The following EIF3J variants were observed in gnomAD, a reference collection of about 807,000 sequenced individuals.
The protein encoded by EIF3J is eukaryotic translation initiation factor 3 subunit J, also known as eukaryotic translation initiation factor 3, subunit 1 (alpha, 35kD).
EIF3J carries 15 observed loss-of-function variants against 39.0 expected under a neutral mutation model. That is an observed-to-expected ratio of 0.38 (90% CI 0.26 to 0.59). The LOEUF is 0.59. EIF3J is among the 20% of genes least tolerant of loss of function. The probability of loss-of-function intolerance (pLI) is 0.60; values close to 1 mark genes in which losing one functional copy is unlikely to be tolerated. For synonymous variants in EIF3J, 98 were observed against 112.9 expected (o/e 0.87, Z 0.84); for missense variants, 226 against 308.6 (o/e 0.73, Z 2.00).
At chr15:44,540,221 G>A (rs1288015822) in intron 2 of EIF3J, among the ~76,000 whole-genome samples, 3 of 142,468 alleles carry the variant, frequency 2.1e-5, no homozygotes, top group Non-Finnish European at 4.5e-5. Context: ...ACAGACGTGA[G>A]CCACCGCGCC....
chr15:44,559,815 TAGACTG>T (rs1211470317), intron 6 of EIF3J, among the ~76,000 whole-genome samples: 2 of 151,820 alleles, frequency 1.3e-5, no homozygotes, highest in Admixed American at 1.3e-4. Context: ...CCCATTTGTT[TAGACTG>T]AGGAAGGATA....
At chr15:44,553,181 G>T (rs1008901416) in intron 4 of EIF3J, among the ~76,000 whole-genome samples, 2 of 150,052 alleles carry the variant, frequency 1.3e-5, no homozygotes, top group Non-Finnish European at 3.0e-5. Context: ...GCAAGATCCT[G>T]CCTCAAAACA....
chr15:44,547,506 G>A (rs930805559), intron 2 of EIF3J, among the ~76,000 whole-genome samples: 3 of 144,910 alleles, frequency 2.1e-5, no homozygotes, highest in Non-Finnish European at 4.5e-5. Context: ...CTGGAGTGCA[G>A]TGGCACAATC....
At chr15:44,549,315 C>T (rs986081977) in intron 2 of EIF3J, among the ~76,000 whole-genome samples, 6 of 151,154 alleles carry the variant, frequency 4.0e-5, no homozygotes, top group African/African-American at 1.2e-4. Flanking sequence ...TGCTTGAACC[C>T]GGGAGGTGGA....
Position 44,537,217 on chromosome 15 carries a change from C to A in EIF3J, c.23C>A (p.Ala8Glu), listed in dbSNP as rs1567113968. Residue 8 changes from alanine to glutamate, a missense_variant, in exon 1 of 8, where the codon GCG becomes GAG. Ala to Glu is a moderately radical substitution (Grantham distance 107). Coordinates refer to ENST00000261868, the MANE Select transcript of EIF3J (RefSeq NM_003758.4). The part of the protein sequence containing the change: MAAAAAA[A>E]GDSDSWDADA... ...GAGATGGCGGCGGCGGCGGCGGCGG[C>A]GGGGGACTCGGACTCCTGGGGTGAG... 5.6e-6 allele frequency: 9 copies of A among 1,598,192 alleles called. No homozygotes were observed. Among genetic ancestry groups the A allele is most frequent in the Non-Finnish European group, 7.7e-6 (9 of 1,173,192 alleles).
Position 44,561,212 on chromosome 15 carries a change from C to T in EIF3J, c.*63C>T. 4.5e-6 allele frequency: 7 copies of T among 1,538,522 alleles called. No homozygotes were observed. The highest frequency in any genetic ancestry group is 1.8e-5 in the Admixed American group (1 of 54,118). ...ACAATCCCTTGAACATGTAGCACAA[C>T]TTCCTTTCCTTTCAGTTCTGCCAAA... On this transcript the variant is annotated 3_prime_UTR_variant, in exon 8 of 8. Coordinates refer to ENST00000261868, the MANE Select transcript of EIF3J (RefSeq NM_003758.4).
At chr15:44,548,410 C>T (rs1284196738) in intron 2 of EIF3J, among the ~76,000 whole-genome samples, 3 of 151,944 alleles carry the variant, frequency 2.0e-5, no homozygotes, top group Non-Finnish European at 4.4e-5. Context: ...AGTGAAACTC[C>T]GTCTCAAAAA....
At chr15:44,555,414 CT>C (rs1320727214) in intron 5 of EIF3J, among the ~76,000 whole-genome samples, 23 of 152,202 alleles carry the variant, frequency 1.5e-4, no homozygotes, top group African/African-American at 5.1e-4. Context: ...CACTTTCATA[CT>C]TTCTCTACTC....
chr15:44,540,783 T>C (rs1418564718), intron 2 of EIF3J, among the ~76,000 whole-genome samples: 1 of 152,224 alleles, frequency 6.6e-6, no homozygotes, highest in African/African-American at 2.4e-5. Context: ...GTACTTTTTA[T>C]GAGGAGTTGC....
chr15:44,546,196 C>T (rs1257965492), intron 2 of EIF3J, among the ~76,000 whole-genome samples: 4 of 152,160 alleles, frequency 2.6e-5, no homozygotes, highest in Middle Eastern at 3.2e-3. Flanking sequence ...GAAATACAAA[C>T]GTTTGATCTC....
intron 2 of EIF3J, among the ~76,000 whole-genome samples, chr15:44,539,642 T>C (rs868532401): frequency 1.2e-4 from 18 of 151,056 alleles, no homozygotes; most frequent in South Asian, 2.1e-4. Flanking sequence ...CCTTGTGATC[T>C]GCCCGCCTTG....
At chr15:44,553,713 T>C (rs894612386) in intron 4 of EIF3J, among the ~76,000 whole-genome samples, 1 of 152,058 alleles carries the variant, frequency 6.6e-6, no homozygotes, top group Non-Finnish European at 1.5e-5. Flanking sequence ...TCTGTAAATT[T>C]ATTTGAAATT....
chr15:44,552,595 A>C, intron 4 of EIF3J, among the ~76,000 whole-genome samples: 1 of 143,478 alleles, frequency 7.0e-6, no homozygotes, highest in Admixed American at 7.0e-5. Flanking sequence ...ATGGAGTTTC[A>C]CTCTAGTCGC....
intron 2 of EIF3J, among the ~76,000 whole-genome samples, chr15:44,540,191 C>T (rs2081999613): frequency 6.8e-6 from 1 of 146,646 alleles, no homozygotes; most frequent in Admixed American, 6.8e-5. Flanking sequence ...CCCGCCTCGG[C>T]CTCCCAAAGT....
intron 2 of EIF3J, among the ~76,000 whole-genome samples, chr15:44,548,678 C>T (rs1328642446): frequency 6.6e-6 from 1 of 152,152 alleles, no homozygotes; most frequent in Non-Finnish European, 1.5e-5. Context: ...GGCCTTCTTG[C>T]TCTATTATCC....
intron 7 of EIF3J, among the ~76,000 whole-genome samples, chr15:44,560,739 T>A (rs2082185498): frequency 6.6e-6 from 1 of 152,194 alleles, no homozygotes; most frequent in Admixed American, 6.5e-5. Context: ...CACACTTTTC[T>A]AAATTTGCTT....
chr15:44,560,520 T>C (rs2082182903), intron 7 of EIF3J, 198 bp downstream of exon 7: 4 of 529,282 alleles, frequency 7.6e-6, no homozygotes, highest in South Asian at 3.1e-5. Flanking sequence ...TCTGAGTTAA[T>C]AGAAATTGCT....
chr15:44,538,351 A>T (rs2081978725), intron 2 of EIF3J, among the ~76,000 whole-genome samples: 1 of 151,744 alleles, frequency 6.6e-6, no homozygotes, highest in African/African-American at 2.4e-5. Context: ...GACTCTTATT[A>T]ACAAAGTTCT....
At chr15:44,550,770 C>CA in intron 2 of EIF3J, 106 bp from the exon 3 acceptor site, 1 of 813,418 alleles carries the variant, frequency 1.2e-6, no homozygotes, top group Non-Finnish European at 2.0e-6. Context: ...TAATGCAGTA[C>CA]AAAAAAATAC....
Sources: allele counts gnomAD v4.1 joint callset (sites outside exome capture counted in the v4.1 genomes callset), GRCh38; gene constraint gnomAD v4.1.1; transcripts MANE v1.5; gene names NCBI Gene and HGNC (gene_info 2026-07-23, HGNC 2026-07-21).